Variants in IGF1R observed in about 807,000 individuals in gnomAD.
IGF1R encodes insulin-like growth factor 1 receptor.
IGF1R carries 44 observed loss-of-function variants against 144.6 expected under a neutral mutation model. That is an observed-to-expected ratio of 0.30 (90% CI 0.24 to 0.39). The LOEUF is 0.39. IGF1R is among the 10% of genes least tolerant of loss of function. IGF1R has a pLI of 1.00. For synonymous variants in IGF1R, 795 were observed against 722.8 expected (o/e 1.10, Z -1.60); for missense variants, 1,355 against 1,833.7 (o/e 0.74, Z 4.77).
chr15:98,950,391 G>C (rs1025409356), intron 20 of IGF1R, among the ~76,000 whole-genome samples: 1 of 152,218 alleles, frequency 6.6e-6, no homozygotes, highest in African/African-American at 2.4e-5. Context: ...TCAGCTCAGA[G>C]TCACAGGAGG....
chr15:98,655,983 G>A (rs12905392), intron 1 of IGF1R, among the ~76,000 whole-genome samples: 46,057 of 152,138 alleles, frequency 0.3, 8,306 homozygotes, highest in Non-Finnish European at 0.39. Context: ...GCGAGCCACC[G>A]CCCCCAGCCT....
chr15:98,688,484 C>T (rs866521225), intron 1 of IGF1R, among the ~76,000 whole-genome samples: 4 of 149,490 alleles, frequency 2.7e-5, no homozygotes, highest in African/African-American at 7.4e-5. Flanking sequence ...TATACCTTTG[C>T]GTAGCGTTGG....
intron 2 of IGF1R, among the ~76,000 whole-genome samples, chr15:98,760,888 G>A (rs962232456): frequency 6.6e-6 from 1 of 152,266 alleles, no homozygotes; most frequent in Non-Finnish European, 1.5e-5. Context: ...AGGAGCTGTC[G>A]CTCAGCTCTT....
chr15:98,796,354 C>G (rs2056241543), intron 2 of IGF1R, among the ~76,000 whole-genome samples: 1 of 152,170 alleles, frequency 6.6e-6, no homozygotes, highest in African/African-American at 2.4e-5. Context: ...AAGATTTCAG[C>G]CAACTCGAGA....
chr15:98,945,918 G>A (rs1038448959), intron 19 of IGF1R, among the ~76,000 whole-genome samples: 1 of 152,074 alleles, frequency 6.6e-6, no homozygotes, highest in Non-Finnish European at 1.5e-5. Context: ...CTCGACAAGC[G>A]TTTGTGGAGA....
intron 2 of IGF1R, among the ~76,000 whole-genome samples, chr15:98,826,127 C>G (rs2056890915): frequency 6.6e-6 from 1 of 152,184 alleles, no homozygotes; most frequent in Non-Finnish European, 1.5e-5. Context: ...TGGTTGATAT[C>G]TTGAAATCAG....
intron 1 of IGF1R, among the ~76,000 whole-genome samples, chr15:98,662,441 C>G (rs1016227721): frequency 6.6e-5 from 10 of 152,088 alleles, no homozygotes; most frequent in Admixed American, 6.6e-4. Context: ...GGTCATGTCC[C>G]TATCTGTGGA....
intron 2 of IGF1R, among the ~76,000 whole-genome samples, chr15:98,815,392 G>A (rs1010086432): frequency 6.6e-6 from 1 of 152,224 alleles, no homozygotes; most frequent in Non-Finnish European, 1.5e-5. Context: ...AAGAAGTGAG[G>A]AGGGCGAAAT....
At chr15:98,840,631 T>TG (rs1320454361) in intron 2 of IGF1R, among the ~76,000 whole-genome samples, 1 of 151,590 alleles carries the variant, frequency 6.6e-6, no homozygotes, top group Non-Finnish European at 1.5e-5. Flanking sequence ...TTTATAGAGA[T>TG]GGGGTCTCAT....
At chr15:98,739,505 C>T (rs1037300338) in intron 2 of IGF1R, among the ~76,000 whole-genome samples, 1 of 152,116 alleles carries the variant, frequency 6.6e-6, no homozygotes. Flanking sequence ...TTCTTGGTGG[C>T]TGATCAGGTT....
intron 2 of IGF1R, among the ~76,000 whole-genome samples, chr15:98,889,362 A>G (rs1191522413): frequency 6.6e-6 from 1 of 152,238 alleles, no homozygotes; most frequent in African/African-American, 2.4e-5. Flanking sequence ...CTTGGAGGCA[A>G]CTAGTGGGTG....
At chr15:98,677,177 TC>T in intron 1 of IGF1R, among the ~76,000 whole-genome samples, 1 of 152,034 alleles carries the variant, frequency 6.6e-6, no homozygotes, top group Admixed American at 6.6e-5. Context: ...CCTCAAGTGA[TC>T]CTCCCACCTT....
chr15:98,665,386 A>T (rs1245784182), intron 1 of IGF1R, among the ~76,000 whole-genome samples: 2 of 152,134 alleles, frequency 1.3e-5, no homozygotes, highest in Non-Finnish European at 2.9e-5. Context: ...CTCCTCCAGT[A>T]AGTGGGTCAT....
chr15:98,864,487 T>C (rs2012321826), intron 2 of IGF1R, among the ~76,000 whole-genome samples: 1 of 152,214 alleles, frequency 6.6e-6, no homozygotes, highest in African/African-American at 2.4e-5. Flanking sequence ...CTCCCAGGTT[T>C]AAGTTAATGC....
Position 98,754,468 on chromosome 15 carries a change from T to C in IGF1R, c.640+46361T>C, listed in dbSNP as rs933045586. On this transcript the variant is annotated intron_variant, in intron 2 of 20. Coordinates refer to ENST00000650285, the MANE Select transcript of IGF1R (RefSeq NM_000875.5). ...TACCAGTTGAGAAGCTGAAGGTTGG[T>C]GTTGTGGTTGTGATAAACTCCCAAC... 5.3e-5 allele frequency among the ~76,000 whole-genome samples: 8 copies of C among 152,226 alleles called. 1 individual carries two copies. The highest frequency in any genetic ancestry group is 4.4e-5 in the Non-Finnish European group (3 of 68,042).
At chr15:98,693,433 G>A (rs182970777) in intron 1 of IGF1R, among the ~76,000 whole-genome samples, 1 of 152,268 alleles carries the variant, frequency 6.6e-6, no homozygotes, top group East Asian at 1.9e-4. Context: ...GCTGAATGGG[G>A]CTGCTGTCCT....
intron 2 of IGF1R, among the ~76,000 whole-genome samples, chr15:98,868,191 CA>C (rs200640775): frequency 2.7e-5 from 4 of 149,348 alleles, no homozygotes; most frequent in Admixed American, 1.3e-4. Flanking sequence ...ACTCTGTCTC[CA>C]AAAAAAAATC....
rs564206384 is a variant in IGF1R at position 98,741,995 on chromosome 15, G to A, written c.640+33888G>A. Among the ~76,000 whole-genome samples, 3 of 152,340 alleles carry A rather than the reference G, an allele frequency of 2.0e-5. No individual in the cohort carries two copies. In the East Asian group the frequency reaches 5.8e-4, roughly 29 times the overall value. ...TTGAGGTGCCTAGTTTGTGGTAGTA[G>A]CTGAACAGAGTGGGAGGTCAAAGTT... On this transcript the variant is annotated intron_variant, in intron 2 of 20. Coordinates refer to ENST00000650285, the MANE Select transcript of IGF1R (RefSeq NM_000875.5).
chr15:98,818,779 C>G (rs1010592792), intron 2 of IGF1R, among the ~76,000 whole-genome samples: 19 of 120,644 alleles, frequency 1.6e-4, no homozygotes, highest in African/African-American at 5.6e-4. Flanking sequence ...AAAAATGTAT[C>G]TAGACATTGA....
Sources: gnomAD v4.1 joint callset for allele counts (sites outside exome capture counted in the v4.1 genomes callset) on GRCh38, gnomAD v4.1.1 for gene constraint, MANE v1.5 for transcripts, NCBI Gene and HGNC (gene_info 2026-07-23, HGNC 2026-07-21) for gene names.